Variants in LTA observed in about 807,000 individuals in gnomAD.
LTA encodes the protein lymphotoxin-alpha.
Under a neutral mutation model 15.1 loss-of-function variants are expected in LTA, and 6 were observed. The observed-to-expected ratio is 0.40, with a 90% CI of 0.22 to 0.78. LTA has a LOEUF of 0.78. Ranked by LOEUF, LTA falls within the 30% of genes least tolerant of loss-of-function variation. The pLI, the probability that LTA is intolerant of heterozygous loss-of-function variation, is 0.38. For synonymous variants in LTA, 87 were observed against 107.3 expected (o/e 0.81, Z 1.17); for missense variants, 173 against 249.5 (o/e 0.69, Z 2.06).
chr6:31,567,464 G>T (rs748643884), upstream of LTA, among the ~76,000 whole-genome samples: 2 of 151,866 alleles, frequency 1.3e-5, no homozygotes, highest in Non-Finnish European at 2.9e-5. Context: ...TTGGGAAGCT[G>T]AGGTGGAAGG....
chr6:31,573,246 G>A (rs1339720092), intron 3 of LTA, 35 bp from the exon 4 acceptor site: 1 of 1,583,072 alleles, frequency 6.3e-7, no homozygotes, highest in East Asian at 2.2e-5. Flanking sequence ...CCAGACCCCT[G>A]ATCTCCCACC....
At chr6:31,562,725 C>T in the LTA span, among the ~76,000 whole-genome samples, 27 of 152,066 alleles carry the variant, frequency 1.8e-4, no homozygotes, top group South Asian at 4.1e-4. Flanking sequence ...ATTAGCCAGG[C>T]GTGGTGGCAC....
chr6:31,564,846 C>G, the LTA span, among the ~76,000 whole-genome samples: 13 of 151,790 alleles, frequency 8.6e-5, no homozygotes, highest in Admixed American at 2.6e-4. Flanking sequence ...CCCAGGAGGT[C>G]GAGGCTGCAG....
upstream of LTA, among the ~76,000 whole-genome samples, chr6:31,571,218 G>A (rs1184388845): frequency 1.3e-5 from 2 of 151,940 alleles, no homozygotes; most frequent in South Asian, 2.1e-4. Context: ...GCACCAGCAC[G>A]CCTGGCTAAT....
the LTA span, among the ~76,000 whole-genome samples, chr6:31,564,374 G>A: frequency 6.6e-6 from 1 of 152,094 alleles, no homozygotes; most frequent in Non-Finnish European, 1.5e-5. Context: ...CCGCCTCCCG[G>A]GTTAATGCCA....
chr6:31,572,538 T>C, intron 1 of LTA, 92 bp downstream of exon 1: 1 of 593,378 alleles, frequency 1.7e-6, no homozygotes, highest in Non-Finnish European at 3.0e-6. Flanking sequence ...CTGCCATGAT[T>C]CCTCTCTGTT....
At chr6:31,567,672 A>ACG (rs1562469944), upstream of LTA, among the ~76,000 whole-genome samples, 51 of 49,036 alleles carry the variant, frequency 1.0e-3, no homozygotes, top group Non-Finnish European at 1.5e-3. Flanking sequence ...ACACACACAC[A>ACG]CACACGCACG....
chr6:31,569,566 G>T (rs564510757), upstream of LTA, among the ~76,000 whole-genome samples: 9 of 152,304 alleles, frequency 5.9e-5, no homozygotes, highest in South Asian at 8.3e-4. Context: ...GCCAAGGCTG[G>T]TGGGTCACCT....
At chr6:31,563,853 C>T in the LTA span, among the ~76,000 whole-genome samples, 2 of 152,156 alleles carry the variant, frequency 1.3e-5, no homozygotes, top group African/African-American at 2.4e-5. Context: ...GGTGATCCGC[C>T]CACCTTGGCC....
the LTA span, among the ~76,000 whole-genome samples, chr6:31,567,012 C>T: frequency 2.0e-5 from 3 of 151,820 alleles, no homozygotes; most frequent in African/African-American, 7.2e-5. Flanking sequence ...CTTTGGGAGG[C>T]TGGCCCAGCA....
the LTA span, among the ~76,000 whole-genome samples, chr6:31,563,238 G>T: frequency 6.6e-6 from 1 of 152,112 alleles, no homozygotes; most frequent in Non-Finnish European, 1.5e-5. Flanking sequence ...GAGGAAGTGG[G>T]ATAGAGTACA....
intron 3 of LTA, 100 bp from the exon 4 acceptor site, chr6:31,573,181 C>A: frequency 1.5e-6 from 2 of 1,293,954 alleles, no homozygotes; most frequent in Non-Finnish European, 2.2e-6. Flanking sequence ...CCCCTGCCAT[C>A]CCCCAGGAAC....
chr6:31,572,719 TC>T lies in LTA; in HGVS notation c.-9-14del. On this transcript the variant is annotated splice_polypyrimidine_tract_variant and intron_variant, in intron 1 of 3. Coordinates refer to ENST00000418386, the MANE Select transcript of LTA (RefSeq NM_000595.4). ...CCCGCTCACTGTCTCTCTCTCTCTC[TC>T]TCTTTCTCTGCAGGTTCTCCCCATG... 3 of 1,574,214 alleles carry T rather than the reference TC, an allele frequency of 1.9e-6. No individual in the cohort carries two copies. The highest frequency in any genetic ancestry group is 1.1e-5 in the South Asian group (1 of 90,282).
chr6:31,561,412 C>T, the LTA span, among the ~76,000 whole-genome samples: 1 of 152,110 alleles, frequency 6.6e-6, no homozygotes, highest in African/African-American at 2.4e-5. Flanking sequence ...TGGCCAGGCA[C>T]CTCACTCCTG....
intron 1 of LTA, 134 bp from the exon 2 acceptor site, chr6:31,572,600 T>A: frequency 1.6e-6 from 1 of 630,664 alleles, no homozygotes; most frequent in East Asian, 2.7e-5. Context: ...TTTCTCTGAC[T>A]GCATCTTGTC....
upstream of LTA, among the ~76,000 whole-genome samples, chr6:31,568,258 T>C (rs972446018): frequency 1.1e-4 from 16 of 152,196 alleles, no homozygotes; most frequent in Admixed American, 2.0e-4. The surrounding 1 kb of genome is among the most constrained non-coding windows in gnomAD (Gnocchi z 4.1). Context: ...GGATGAATAA[T>C]TCATAAAGCA....
intron 3 of LTA, 116 bp downstream of exon 3, chr6:31,573,149 A>C (rs1055557751): frequency 1.4e-5 from 16 of 1,179,064 alleles, no homozygotes; most frequent in Non-Finnish European, 1.8e-5. Flanking sequence ...AAAAAAACAG[A>C]GGGAGCCCAC....
intron 1 of LTA, 112 bp downstream of exon 1, chr6:31,572,558 T>C (rs1770893632): frequency 6.7e-6 from 4 of 601,042 alleles, no homozygotes; most frequent in Non-Finnish European, 1.2e-5. Flanking sequence ...TCCCTTCCTG[T>C]CTCTCTCTGT....
In LTA at chr6:31,573,460, C is replaced by G. The variant is rs538877791; in HGVS notation, c.385C>G (p.Leu129Val). Reference sequence around the variant, plus strand: ...CTCTCCCAAGGCCACCTCCTCCCCACTCTACCTGGCCCATGAGGTCCAGCT... The same window carrying G: ...CTCTCCCAAGGCCACCTCCTCCCCAGTCTACCTGGCCCATGAGGTCCAGCT... Reference protein sequence around the residue: ...AYSPKATSSPLYLAHEVQLFS... With the variant: ...AYSPKATSSPVYLAHEVQLFS... The change falls in exon 4 of 4, where the codon CTC becomes GTC. Residue 129 changes from leucine (L) to valine (V), a missense_variant. Leu to Val is a conservative substitution (Grantham distance 32). Transcript: ENST00000418386. The G allele has an allele frequency of 6.2e-7, 1 of 1,614,188 alleles. No individual in the cohort carries two copies. Among genetic ancestry groups the G allele is most frequent in the South Asian group, 1.1e-5 (1 of 91,090 alleles).
Sources: gnomAD v4.1 joint callset for allele counts (sites outside exome capture counted in the v4.1 genomes callset) on GRCh38, gnomAD v4.1.1 for gene constraint, Gnocchi (gnomAD v3.1) non-coding constraint, MANE v1.5 for transcripts, NCBI Gene and HGNC (gene_info 2026-07-23, HGNC 2026-07-21) for gene names.